The following CAT variants were observed in gnomAD, a reference collection of about 807,000 sequenced individuals.
CAT encodes epididymis secretory sperm binding protein.
A neutral mutation model predicts 59.0 loss-of-function variants in CAT; 43 were observed. The ratio of observed to expected loss-of-function variants is 0.73; its 90% CI spans 0.57 to 0.94. The LOEUF (loss-of-function observed/expected upper bound fraction) is 0.94. Among genes scored for constraint, CAT ranks in the 40% least tolerant of loss-of-function variants. CAT has a pLI of 0.00. For missense variants in CAT, 664 were observed against 682.9 expected (o/e 0.97, Z 0.31); for synonymous variants, 218 against 230.9 (o/e 0.94, Z 0.51).
chr11:34,439,760 G>A (rs1856364502), intron 1 of CAT, among the ~76,000 whole-genome samples: 1 of 152,104 alleles, frequency 6.6e-6, no homozygotes, highest in Non-Finnish European at 1.5e-5. Flanking sequence ...ATTCCAGTGC[G>A]GCAAGAACAA....
rs1432744836 is a variant in CAT at position 34,468,400 on chromosome 11, G to A, written c.1434+5G>A. On this transcript the variant is annotated splice_donor_5th_base_variant and intron_variant, in intron 11 of 12. Transcript: ENST00000241052. ...ATTTTCATCCAGAAGAAAGCGGTGA[G>A]TCTTTGTAAGCTGAAGGGTGTCCTC... is the stretch of plus-strand genomic sequence containing the variant. 6 of 1,603,910 alleles carry A rather than the reference G, an allele frequency of 3.7e-6. No individual in the cohort carries two copies. The highest frequency in any genetic ancestry group is 5.1e-6 in the Non-Finnish European group (6 of 1,170,830).
intron 4 of CAT, 80 bp downstream of exon 4, chr11:34,452,287 G>T: frequency 1.5e-6 from 2 of 1,377,114 alleles, no homozygotes; most frequent in Non-Finnish European, 2.1e-6. Flanking sequence ...TTGAGGAGAA[G>T]CCGTGGGAAA....
At position 34,453,146 on chromosome 11, in the gene CAT, G is replaced by A. The variant is rs754117729; in HGVS notation, c.537G>A (p.Pro179=). 2.4e-5 allele frequency: 38 copies of A among 1,613,422 alleles called. No homozygotes were observed. In the South Asian group the frequency reaches 2.5e-4, roughly 11 times the overall value. ...KRNPQTHLKD[P]DMVWDFWSLR... Reference sequence around the variant, plus strand: ...ATCCTCAGACACATCTGAAGGATCCGGACATGGTCTGGGACTTCTGGAGCC... The same window carrying A: ...ATCCTCAGACACATCTGAAGGATCCAGACATGGTCTGGGACTTCTGGAGCC... Residue 179 remains proline, a synonymous_variant, in exon 5 of 13, where the codon CCG becomes CCA. Coordinates refer to ENST00000241052, the MANE Select transcript of CAT (RefSeq NM_001752.4).
In CAT at chr11:34,464,144, C is replaced by T. The variant is rs770216105; in HGVS notation, c.1235C>T (p.Pro412Leu). ...PNYYPNSFGAPEQQPSALEHS... is the reference protein window; with the variant it reads ...PNYYPNSFGALEQQPSALEHS... The stretch of plus-strand genomic sequence containing the variant: ...TACTACCCCAACAGCTTTGGTGCTC[C>T]GGAACAACAGCCTTCTGCCCTGGAG... Residue 412 changes from proline to leucine, a missense_variant, in exon 10 of 13, where the codon CCG (proline) becomes CTG (leucine). Physicochemically the swap from Pro to Leu is moderately conservative, Grantham distance 98 (BLOSUM62 -3). Coordinates refer to ENST00000241052, the MANE Select transcript of CAT (RefSeq NM_001752.4). 113 of 1,613,994 alleles carry T rather than the reference C, an allele frequency of 7.0e-5. No homozygotes were observed. The highest frequency in any genetic ancestry group is 8.6e-5 in the Non-Finnish European group (102 of 1,180,008).
At position 34,456,747 on chromosome 11, in the gene CAT, T is replaced by C; in HGVS notation, c.986T>C (p.Val329Ala). 3 of 1,614,182 alleles carry C rather than the reference T, an allele frequency of 1.9e-6. No individual in the cohort carries two copies. In the East Asian group the frequency reaches 6.7e-5, roughly 36 times the overall value. Residue 329 changes from valine (V) to alanine (A), a missense_variant, in exon 8 of 13, where the codon GTT becomes GCT. Physicochemically the swap from Val to Ala is moderately conservative, Grantham distance 64. Transcript: ENST00000241052. ...AATCCAGTTAATTACTTTGCTGAGGTTGAACAGATAGCCTTCGACCCAAGC... is the reference window on the plus strand; with the variant it reads ...AATCCAGTTAATTACTTTGCTGAGGCTGAACAGATAGCCTTCGACCCAAGC... ...NRNPVNYFAEVEQIAFDPSNM... is the reference protein window; with the variant it reads ...NRNPVNYFAEAEQIAFDPSNM...
At chr11:34,470,492 G>A (rs1232557272) in intron 11 of CAT, among the ~76,000 whole-genome samples, 1 of 152,174 alleles carries the variant, frequency 6.6e-6, no homozygotes, top group Non-Finnish European at 1.5e-5. Context: ...ATCCCTGGAG[G>A]TTTGGGGGTG....
At position 34,439,315 on chromosome 11, in the gene CAT, G is replaced by A. The variant is rs17882039; in HGVS notation, c.66+236G>A. Among the ~76,000 whole-genome samples the A allele has an allele frequency of 5.0e-3, 762 of 152,338 alleles. 2 individuals are homozygous for A. The highest frequency in any genetic ancestry group is 7.7e-3 in the Non-Finnish European group (527 of 68,020). On this transcript the variant is annotated intron_variant, in intron 1 of 12. Transcript: ENST00000241052. ...TTGTTGTCCGCGACAGGCTCGGGTG[G>A]TTGCTTCAGAATTTTGCACTTTTGC...
chr11:34,464,013 C>A, intron 9 of CAT, 92 bp from the exon 10 acceptor site: 1 of 1,263,916 alleles, frequency 7.9e-7, no homozygotes, highest in Non-Finnish European at 1.2e-6. Flanking sequence ...TATTTGATTA[C>A]CACTTGAATT....
Position 34,471,428 on chromosome 11 carries a change from C to T in CAT, c.1579C>T (p.Leu527=). 1 of 1,613,774 alleles carries T rather than the reference C, an allele frequency of 6.2e-7. No individual in the cohort carries two copies. Among genetic ancestry groups the T allele is most frequent in the Non-Finnish European group, 8.5e-7 (1 of 1,179,662 alleles). The change falls in exon 13 of 13, where the codon CTG becomes TTG. Residue 527 remains leucine (L), a synonymous_variant. Coordinates refer to ENST00000241052, the MANE Select transcript of CAT (RefSeq NM_001752.4). ...SHLAAREKAN[L] ...CTTGGCGGCAAGGGAGAAGGCAAAT[C>T]TGTGAGGCCGGGGCCCTGCACCTGT...
At position 34,471,002 on chromosome 11, in the gene CAT, C is replaced by A; in HGVS notation, c.1479C>A (p.Ile493=). ...TCCACCCTGACTACGGGAGCCACAT[C>A]CAGGCTCTTCTGGACAAGTACAATG... ...TEVHPDYGSH[I]QALLDKYNAE... Residue 493 remains isoleucine, a synonymous_variant, in exon 12 of 13, where the codon ATC becomes ATA. Transcript: ENST00000241052. 6.2e-7 allele frequency: 1 copy of A among 1,614,198 alleles called. No individual in the cohort carries two copies. Among genetic ancestry groups the A allele is most frequent in the Non-Finnish European group, 8.5e-7 (1 of 1,180,016 alleles).
chr11:34,462,584 A>C (rs899542424), intron 9 of CAT, among the ~76,000 whole-genome samples: 3 of 152,048 alleles, frequency 2.0e-5, no homozygotes, highest in Admixed American at 2.0e-4. Flanking sequence ...CCACCACGCC[A>C]GCTAATTTTT....
At chr11:34,461,481 C>G (rs901018238) in intron 9 of CAT, 92 bp downstream of exon 9, 1 of 1,447,914 alleles carries the variant, frequency 6.9e-7, no homozygotes, top group Non-Finnish European at 9.7e-7. Flanking sequence ...TCAAGCTGGC[C>G]CCGCAGGACC....
chr11:34,468,476 G>A, intron 11 of CAT, 81 bp downstream of exon 11: 1 of 994,216 alleles, frequency 1.0e-6, no homozygotes, highest in Non-Finnish European at 1.6e-6. Context: ...TAAAAAGAAA[G>A]TGCCATTTCT....
intron 8 of CAT, chr11:34,460,956 A>G (rs535250502): frequency 1.2e-4 from 51 of 442,258 alleles, no homozygotes; most frequent in Non-Finnish European, 1.8e-4. Context: ...GTAATACTGT[A>G]TAAGACAAGA....
At position 34,461,338 on chromosome 11, in the gene CAT, C is replaced by T. The variant is rs764544557; in HGVS notation, c.1144C>T (p.Arg382Ter). 6.8e-6 allele frequency: 11 copies of T among 1,614,200 alleles called. No individual in the cohort carries two copies. Among genetic ancestry groups the T allele is most frequent in the Admixed American group, 3.3e-5 (2 of 60,032 alleles). The change falls in exon 9 of 13, where the codon CGA becomes TGA. Residue 382 changes from arginine (R) to a stop codon, truncating the protein, a stop_gained. Transcript: ENST00000241052. LOFTEE classifies it high-confidence loss of function. ...ACCTGTGAACTGTCCCTACCGTGCT[C>T]GAGTGGCCAACTACCAGCGTGACGG... ...HIPVNCPYRA[R>*]VANYQRDGPM...
At chr11:34,452,293 G>A in intron 4 of CAT, 86 bp downstream of exon 4, 6 of 1,296,762 alleles carry the variant, frequency 4.6e-6, no homozygotes, top group Non-Finnish European at 6.7e-6. Flanking sequence ...AGAAGCCGTG[G>A]GAAAGGCAGA....
intron 1 of CAT, among the ~76,000 whole-genome samples, chr11:34,440,594 G>C (rs1856377574): frequency 7.1e-6 from 1 of 141,074 alleles, no homozygotes; most frequent in Non-Finnish European, 1.5e-5. Context: ...ACGGAGTCTT[G>C]CTCTGTTGCC....
rs573379158 is a variant in CAT at position 34,471,408 on chromosome 11, C to A, written c.1559C>A (p.Ala520Glu). 9.3e-6 allele frequency: 15 copies of A among 1,613,894 alleles called. No homozygotes were observed. The highest frequency in any genetic ancestry group is 1.7e-5 in the Admixed American group (1 of 60,018). ...TTTGTGCAGTCCGGATCTCACTTGG[C>A]GGCAAGGGAGAAGGCAAATCTGTGA... is the stretch of plus-strand genomic sequence containing the variant. Reference protein sequence around the residue: ...HTFVQSGSHLAAREKANL With the variant: ...HTFVQSGSHLEAREKANL Residue 520 changes from alanine to glutamate, a missense_variant, in exon 13 of 13, where the codon GCG becomes GAG. Physicochemically the swap from Ala to Glu is moderately radical, Grantham distance 107. Coordinates refer to ENST00000241052, the MANE Select transcript of CAT (RefSeq NM_001752.4).
At chr11:34,452,005 C>G in intron 3 of CAT, 72 bp from the exon 4 acceptor site, 3 of 1,549,878 alleles carry the variant, frequency 1.9e-6, no homozygotes, top group Non-Finnish European at 2.7e-6. Flanking sequence ...CCAGGTGCTT[C>G]TTTATGTCTC....
Sources: gnomAD v4.1 joint callset for allele counts (sites outside exome capture counted in the v4.1 genomes callset) on GRCh38, gnomAD v4.1.1 for gene constraint, MANE v1.5 for transcripts, NCBI Gene and HGNC (gene_info 2026-07-23, HGNC 2026-07-21) for gene names.